Variants in NEGR1 observed in about 807,000 individuals in gnomAD.
NEGR1 encodes the protein neuronal growth regulator 1, also known as IgLON family member 4.
In NEGR1, 10 loss-of-function variants were observed where a neutral mutation model predicts 40.9. The observed-to-expected ratio is 0.24, with a 90% CI of 0.15 to 0.42. The LOEUF (loss-of-function observed/expected upper bound fraction) is 0.42, where lower values mean the gene tolerates loss of function less well. Ranked by LOEUF, NEGR1 falls within the 10% of genes least tolerant of loss-of-function variation. The pLI is 1.00. For synonymous variants in NEGR1, 185 were observed against 166.8 expected (o/e 1.11, Z -0.84); for missense variants, 352 against 438.9 (o/e 0.80, Z 1.77).
chr1:71,613,405 G>A (rs898724773), intron 4 of NEGR1, among the ~76,000 whole-genome samples: 1 of 152,120 alleles, frequency 6.6e-6, no homozygotes, highest in African/African-American at 2.4e-5. Flanking sequence ...CCAGCACTTT[G>A]GGAGGCCGAG....
chr1:72,250,222 G>C (rs529475383), intron 1 of NEGR1, among the ~76,000 whole-genome samples: 29 of 152,050 alleles, frequency 1.9e-4, no homozygotes, highest in African/African-American at 6.5e-4. Flanking sequence ...AGTATCATAA[G>C]ACAATTCCTT....
At chr1:71,652,789 A>G (rs183713859) in intron 4 of NEGR1, among the ~76,000 whole-genome samples, 9 of 152,168 alleles carry the variant, frequency 5.9e-5, no homozygotes, top group African/African-American at 1.7e-4. Context: ...GTTTGAGCCC[A>G]GTAGGTGGAG....
At chr1:72,076,274 G>C (rs2100518695) in intron 1 of NEGR1, among the ~76,000 whole-genome samples, 1 of 152,204 alleles carries the variant, frequency 6.6e-6, no homozygotes, top group East Asian at 1.9e-4. Context: ...CTCTATAAAA[G>C]AGACCCTGGA....
chr1:71,536,115 A>G (rs538100380), intron 6 of NEGR1, among the ~76,000 whole-genome samples: 7 of 144,818 alleles, frequency 4.8e-5, no homozygotes, highest in Admixed American at 3.3e-4. Context: ...AGAAGCAAAG[A>G]AGAATGGCAT....
At chr1:71,980,497 C>T (rs1646345156) in intron 1 of NEGR1, among the ~76,000 whole-genome samples, 1 of 152,074 alleles carries the variant, frequency 6.6e-6, no homozygotes. Context: ...TTAAATATGA[C>T]TCTATACGTT....
chr1:71,849,769 A>G (rs1265719828), intron 2 of NEGR1, among the ~76,000 whole-genome samples: 2 of 152,170 alleles, frequency 1.3e-5, no homozygotes, highest in Non-Finnish European at 2.9e-5. Flanking sequence ...AAGATCCTCC[A>G]CCAGCAAAAA....
intron 1 of NEGR1, among the ~76,000 whole-genome samples, chr1:71,937,503 C>G (rs779961789): frequency 2.0e-5 from 3 of 152,108 alleles, no homozygotes; most frequent in Non-Finnish European, 4.4e-5. Flanking sequence ...CATAACAACT[C>G]TTTCAGGGTA....
At chr1:71,827,637 A>G (rs745376722) in intron 2 of NEGR1, among the ~76,000 whole-genome samples, 1 of 152,008 alleles carries the variant, frequency 6.6e-6, no homozygotes, top group Non-Finnish European at 1.5e-5. Flanking sequence ...AAACAAAACA[A>G]TAACAAAATT....
chr1:72,013,178 T>A (rs1344748018), intron 1 of NEGR1, among the ~76,000 whole-genome samples: 1 of 152,006 alleles, frequency 6.6e-6, no homozygotes, highest in South Asian at 2.1e-4. Context: ...AATTAACTTG[T>A]AAATAATTCT....
At chr1:72,003,703 G>A (rs922900839) in intron 1 of NEGR1, among the ~76,000 whole-genome samples, 12 of 151,974 alleles carry the variant, frequency 7.9e-5, no homozygotes, top group Non-Finnish European at 1.5e-4. Flanking sequence ...GCATAAAAAC[G>A]ATATAAAATC....
chr1:72,094,045 C>T (rs934221354), intron 1 of NEGR1, among the ~76,000 whole-genome samples: 11 of 152,074 alleles, frequency 7.2e-5, no homozygotes, highest in African/African-American at 2.2e-4. Context: ...CTTTTCTTTA[C>T]AATTTAATAA....
intron 1 of NEGR1, among the ~76,000 whole-genome samples, chr1:72,043,961 A>C (rs1317230984): frequency 6.6e-6 from 1 of 151,896 alleles, no homozygotes; most frequent in Non-Finnish European, 1.5e-5. Context: ...GAAAACATAA[A>C]ATGGAAATAA....
chr1:71,810,197 C>A (rs1047640360), intron 2 of NEGR1, among the ~76,000 whole-genome samples: 1 of 152,078 alleles, frequency 6.6e-6, no homozygotes, highest in Non-Finnish European at 1.5e-5. Context: ...TTAACCTATG[C>A]TTTGGTTAAG....
chr1:71,521,435 T>C (rs1365439842), intron 6 of NEGR1, among the ~76,000 whole-genome samples: 1 of 152,042 alleles, frequency 6.6e-6, no homozygotes, highest in Non-Finnish European at 1.5e-5. Flanking sequence ...TTTTCATCAA[T>C]GTTTCTGAAT....
intron 1 of NEGR1, among the ~76,000 whole-genome samples, chr1:72,099,960 T>C (rs934128723): frequency 6.6e-6 from 1 of 152,012 alleles, no homozygotes; most frequent in African/African-American, 2.4e-5. Context: ...AACATTCTTA[T>C]ATTTAACCAT....
At chr1:71,754,271 T>A (rs1297312732) in intron 3 of NEGR1, among the ~76,000 whole-genome samples, 1 of 152,132 alleles carries the variant, frequency 6.6e-6, no homozygotes, top group Non-Finnish European at 1.5e-5. Flanking sequence ...GACCTCTACA[T>A]CGTGGGTTTA....
chr1:71,735,346 A>T (rs551774985), intron 3 of NEGR1, among the ~76,000 whole-genome samples: 12 of 152,098 alleles, frequency 7.9e-5, no homozygotes, highest in Non-Finnish European at 1.6e-4. Flanking sequence ...AGTGATTTTT[A>T]ACCCACCACT....
chr1:71,427,816 A>G (rs901645471), intron 6 of NEGR1, among the ~76,000 whole-genome samples: 1 of 152,220 alleles, frequency 6.6e-6, no homozygotes, highest in Non-Finnish European at 1.5e-5. Context: ...CTAGAATTTT[A>G]AGTGATAGAT....
intron 1 of NEGR1, among the ~76,000 whole-genome samples, chr1:72,253,977 T>A (rs1373735611): frequency 6.6e-6 from 1 of 152,138 alleles, no homozygotes; most frequent in African/African-American, 2.4e-5. Context: ...AAATGTGAAG[T>A]GATTACAAAT....
Sources: allele counts gnomAD v4.1 joint callset (sites outside exome capture counted in the v4.1 genomes callset), GRCh38; gene constraint gnomAD v4.1.1; transcripts MANE v1.5; gene names NCBI Gene and HGNC (gene_info 2026-07-23, HGNC 2026-07-21).